ANKS1B: variants seen among roughly 807,000 people sequenced by gnomAD.
The protein encoded by ANKS1B is ankyrin repeat and sterile alpha motif domain containing 1B.
ANKS1B carries 36 observed loss-of-function variants against 148.3 expected under a neutral mutation model. The ratio of observed to expected loss-of-function variants is 0.24; its 90% CI spans 0.19 to 0.32. The LOEUF is 0.32. ANKS1B is among the 10% of genes least tolerant of loss of function. The pLI is 1.00. For synonymous variants in ANKS1B, 542 were observed against 560.8 expected (o/e 0.97, Z 0.47); for missense variants, 1,157 against 1,542.6 (o/e 0.75, Z 4.19).
At chr12:99,367,121 C>CA (rs897570945) in intron 12 of ANKS1B, among the ~76,000 whole-genome samples, 3 of 151,904 alleles carry the variant, frequency 2.0e-5, no homozygotes, top group African/African-American at 7.3e-5. Context: ...CAGACATTGC[C>CA]AAAAAACGTG....
chr12:99,672,951 A>G (rs1041784890), intron 8 of ANKS1B, among the ~76,000 whole-genome samples: 1 of 152,108 alleles, frequency 6.6e-6, no homozygotes, highest in African/African-American at 2.4e-5. Flanking sequence ...TGAAATTTAA[A>G]CTATTTTGTC....
intron 14 of ANKS1B, among the ~76,000 whole-genome samples, chr12:99,212,167 A>T: frequency 6.6e-6 from 1 of 152,234 alleles, no homozygotes; most frequent in Admixed American, 6.5e-5. Context: ...AACACTGCTC[A>T]GATGGTATCA....
chr12:98,820,213 C>T (rs906415235), intron 19 of ANKS1B, among the ~76,000 whole-genome samples: 4 of 152,338 alleles, frequency 2.6e-5, no homozygotes, highest in East Asian at 3.9e-4. Flanking sequence ...GTGGTTCACA[C>T]GACAGCTGTG....
intron 25 of ANKS1B, among the ~76,000 whole-genome samples, chr12:98,772,772 G>T (rs1474290573): frequency 6.6e-6 from 1 of 152,182 alleles, no homozygotes; most frequent in East Asian, 1.9e-4. Context: ...ACAAGGCAGG[G>T]AGAGAGGCCT....
chr12:99,810,259 G>A (rs770491171), intron 3 of ANKS1B, among the ~76,000 whole-genome samples: 6 of 152,040 alleles, frequency 3.9e-5, no homozygotes, highest in African/African-American at 4.8e-5. Flanking sequence ...TCATTAAATC[G>A]TATTTTTGAG....
chr12:99,871,688 T>C (rs2091537827), intron 1 of ANKS1B, among the ~76,000 whole-genome samples: 1 of 152,124 alleles, frequency 6.6e-6, no homozygotes. Flanking sequence ...GTAAGTGAAA[T>C]TGTGTTCTTG....
intron 9 of ANKS1B, among the ~76,000 whole-genome samples, chr12:99,636,063 CA>C (rs35614711): frequency 1.3e-5 from 2 of 150,824 alleles, no homozygotes; most frequent in Admixed American, 6.6e-5. Flanking sequence ...TTTTACACCA[CA>C]AAAAAAAGAT....
At chr12:99,854,253 C>T (rs2088586331) in intron 1 of ANKS1B, among the ~76,000 whole-genome samples, 1 of 152,140 alleles carries the variant, frequency 6.6e-6, no homozygotes, top group Non-Finnish European at 1.5e-5. Context: ...ACCTCATGAT[C>T]CACCCATCTC....
At chr12:99,671,921 C>T (rs1413500646) in intron 8 of ANKS1B, among the ~76,000 whole-genome samples, 3 of 152,000 alleles carry the variant, frequency 2.0e-5, no homozygotes, top group Non-Finnish European at 4.4e-5. Context: ...GATGTTTTCT[C>T]CCCCACCCCA....
At chr12:99,269,007 C>T (rs1218221841) in intron 12 of ANKS1B, among the ~76,000 whole-genome samples, 5 of 152,186 alleles carry the variant, frequency 3.3e-5, no homozygotes, top group Non-Finnish European at 2.9e-5. Context: ...TATTGTGTAA[C>T]GGCTTGCTGA....
At chr12:99,802,151 G>A (rs183197530) in intron 4 of ANKS1B, among the ~76,000 whole-genome samples, 3 of 152,274 alleles carry the variant, frequency 2.0e-5, no homozygotes, top group Admixed American at 2.0e-4. Context: ...CATCTTAACA[G>A]CTCTTAGCAT....
At chr12:99,252,758 G>T (rs1233501745) in intron 12 of ANKS1B, among the ~76,000 whole-genome samples, 2 of 152,156 alleles carry the variant, frequency 1.3e-5, no homozygotes, top group Non-Finnish European at 2.9e-5. Context: ...TACACATCTT[G>T]TAACAAGACC....
chr12:99,819,244 T>C (rs2082220460), intron 2 of ANKS1B, among the ~76,000 whole-genome samples: 1 of 151,900 alleles, frequency 6.6e-6, no homozygotes, highest in South Asian at 2.1e-4. Context: ...TGAAGTTTCT[T>C]TACATGTTGA....
intron 16 of ANKS1B, among the ~76,000 whole-genome samples, chr12:99,080,723 G>C (rs775619038): frequency 6.6e-6 from 1 of 152,152 alleles, no homozygotes; most frequent in African/African-American, 2.4e-5. Context: ...CAAAGACTTG[G>C]CCACATACAA....
chr12:99,706,174 A>G (rs2055733647), intron 8 of ANKS1B, among the ~76,000 whole-genome samples: 1 of 152,104 alleles, frequency 6.6e-6, no homozygotes, highest in Admixed American at 6.6e-5. Flanking sequence ...GAGGAATGCC[A>G]TATTCCATAG....
intron 17 of ANKS1B, among the ~76,000 whole-genome samples, chr12:98,995,344 A>C (rs112673435): frequency 0.013 from 2,056 of 152,304 alleles, 45 homozygotes; most frequent in African/African-American, 0.047. Context: ...TAATCCCAGC[A>C]CTTTGGGAGG....
At chr12:98,935,658 A>G (rs1257835555) in intron 17 of ANKS1B, among the ~76,000 whole-genome samples, 1 of 152,164 alleles carries the variant, frequency 6.6e-6, no homozygotes, top group Non-Finnish European at 1.5e-5. Flanking sequence ...CTCTTGAATG[A>G]ATATTTATAT....
intron 16 of ANKS1B, among the ~76,000 whole-genome samples, chr12:99,067,287 A>G (rs1340303163): frequency 2.0e-5 from 3 of 152,220 alleles, no homozygotes; most frequent in African/African-American, 7.2e-5. Flanking sequence ...GGCAGGCTTC[A>G]GTGGCATTGG....
At chr12:99,175,564 T>C (rs1384049359) in intron 14 of ANKS1B, among the ~76,000 whole-genome samples, 2 of 152,214 alleles carry the variant, frequency 1.3e-5, no homozygotes, top group Non-Finnish European at 2.9e-5. Flanking sequence ...TTTGGCATCA[T>C]CATAATTCCT....
Sources: allele counts gnomAD v4.1 joint callset (sites outside exome capture counted in the v4.1 genomes callset), GRCh38; gene constraint gnomAD v4.1.1; transcripts MANE v1.5; gene names NCBI Gene and HGNC (gene_info 2026-07-23, HGNC 2026-07-21).